ADGRG2: variants seen among roughly 807,000 people sequenced by gnomAD.
The protein encoded by ADGRG2 is G protein-coupled receptor 64.
In ADGRG2, 26 loss-of-function variants were observed where a neutral mutation model predicts 74.1. The ratio of observed to expected loss-of-function variants is 0.35; its 90% CI spans 0.26 to 0.49. The LOEUF is 0.49. ADGRG2 is among the 20% of genes least tolerant of loss of function. The probability of loss-of-function intolerance (pLI) is 0.99; values close to 1 mark genes in which losing one functional copy is unlikely to be tolerated. For synonymous variants in ADGRG2, 296 were observed against 295.2 expected (o/e 1.00, Z -0.03); for missense variants, 619 against 763.1 (o/e 0.81, Z 2.22).
chrX:19,116,277 G>A (rs1222698683), intron 1 of ADGRG2, among the ~76,000 whole-genome samples: 3 of 109,551 alleles, frequency 2.7e-5, no homozygotes, highest in Admixed American at 9.8e-5. Flanking sequence ...ATAGGAGGCC[G>A]AGGTGGGTGG....
intron 13 of ADGRG2, 26 bp from the exon 14 acceptor site, chrX:19,021,224 G>T: frequency 2.6e-6 from 2 of 764,123 alleles, no homozygotes; most frequent in African/African-American, 2.0e-5. Flanking sequence ...TACATAACCA[G>T]AATGTTACTA....
intron 1 of ADGRG2, among the ~76,000 whole-genome samples, chrX:19,097,580 A>G (rs1457075729): frequency 1.8e-5 from 2 of 112,404 alleles, no homozygotes; most frequent in Non-Finnish European, 3.8e-5. Context: ...CCTTTGTTAC[A>G]GGAATCCGGG....
At chrX:19,107,889 A>G (rs1052821794) in intron 1 of ADGRG2, among the ~76,000 whole-genome samples, 11 of 107,476 alleles carry the variant, frequency 1.0e-4, no homozygotes, top group African/African-American at 3.4e-4. Context: ...TCACAAAGTC[A>G]GGAGATCGAG....
At chrX:19,018,986 G>C (rs1007762734) in intron 15 of ADGRG2, among the ~76,000 whole-genome samples, 1 of 111,240 alleles carries the variant, frequency 9.0e-6, no homozygotes, top group African/African-American at 3.3e-5. Context: ...GGGACTACAG[G>C]CGCCCGCCAC....
chrX:19,082,812 CATA>C (rs2061874178), intron 1 of ADGRG2, 66 bp from the exon 2 acceptor site: 1 of 112,429 alleles, frequency 8.9e-6, no homozygotes, highest in African/African-American at 3.2e-5. Context: ...TTCTTGACAG[CATA>C]ATACTTCAAT....
chrX:19,078,776 T>TA lies in ADGRG2; in HGVS notation c.-2+3925dup, dbSNP rs1291416651. On this transcript the variant is annotated intron_variant, in intron 2 of 28. Transcript: ENST00000379869. Reference sequence around the variant, plus strand: ...ACCCAAAGAAGAAGAAGGAAGGTAATAAAAAAAAAAGCATATAATAAAAAC... The same window carrying TA: ...ACCCAAAGAAGAAGAAGGAAGGTAATAAAAAAAAAAAGCATATAATAAAAAC... Among the ~76,000 whole-genome samples the TA allele has an allele frequency of 1.2e-3, 104 of 83,497 alleles. No homozygotes were observed. The East Asian group carries it at 0.018, about 15-fold the overall frequency. 72.5% of individuals were successfully genotyped at this position (83,497 alleles called of 115,157 possible).
rs2059905791 is a variant in ADGRG2 at position 18,990,642 on chromosome X, T to A, written c.*222A>T. 3.5e-6 allele frequency: 1 copy of A among 283,425 alleles called. No individual in the cohort carries two copies. The highest frequency in any genetic ancestry group is 6.2e-6 in the Non-Finnish European group (1 of 161,681). 23.4% of individuals were successfully genotyped at this position (283,425 alleles called of 1,213,427 possible). A position where few individuals can be genotyped will look rare whatever the true frequency, so the allele number is the denominator to read the frequency against. On this transcript the variant is annotated 3_prime_UTR_variant, in exon 29 of 29. Transcript: ENST00000379869. ...GTATTGTTTAAAACCAACCTTCTTATAAAATGAAAGATAAGAAACCAAATC... is the reference window on the plus strand; with the variant it reads ...GTATTGTTTAAAACCAACCTTCTTAAAAAATGAAAGATAAGAAACCAAATC...
rs185222981 is a variant in ADGRG2, at chrX:19,059,516, G to A, written c.118+9201C>T. Among the ~76,000 whole-genome samples, 378 of 111,347 alleles carry A rather than the reference G, an allele frequency of 3.4e-3. 2 individuals carry two copies. Among genetic ancestry groups the A allele is most frequent in the South Asian group, 6.5e-3 (17 of 2,600 alleles). On this transcript the variant is annotated intron_variant, in intron 3 of 28. Coordinates refer to ENST00000379869, the MANE Select transcript of ADGRG2 (RefSeq NM_001079858.3). The stretch of plus-strand genomic sequence containing the variant: ...TGTATGCGAAGGTGCTTCGTCAACC[G>A]CAAAGACCTACAGGAGTGTCCAGTT...
chrX:19,095,782 G>A (rs1213648533), intron 1 of ADGRG2, among the ~76,000 whole-genome samples: 1 of 111,649 alleles, frequency 9.0e-6, no homozygotes, highest in Non-Finnish European at 1.9e-5. Context: ...GGGAGGCCAA[G>A]GTGGGAGGAT....
intron 1 of ADGRG2, among the ~76,000 whole-genome samples, chrX:19,095,174 T>C (rs781622423): frequency 8.9e-6 from 1 of 112,068 alleles, no homozygotes; most frequent in Admixed American, 9.5e-5. Context: ...GCAGCATTTT[T>C]TGAGTGATTT....
intron 11 of ADGRG2, among the ~76,000 whole-genome samples, chrX:19,025,386 T>C (rs961648825): frequency 9.0e-6 from 1 of 111,209 alleles, no homozygotes; most frequent in Admixed American, 9.6e-5. Context: ...CAGGTGATTT[T>C]AATATGCAAC....
At chrX:19,115,175 G>C in intron 1 of ADGRG2, among the ~76,000 whole-genome samples, 1 of 111,128 alleles carries the variant, frequency 9.0e-6, no homozygotes, top group South Asian at 3.8e-4. Context: ...GAAAGGCAGG[G>C]CACATTATAC....
At chrX:19,005,837 G>A (rs1303838970) in intron 22 of ADGRG2, among the ~76,000 whole-genome samples, 165 bp downstream of exon 22, 1 of 112,068 alleles carries the variant, frequency 8.9e-6, no homozygotes, top group African/African-American at 3.2e-5. Flanking sequence ...ACAGGCGTGA[G>A]CCACCATGCC....
chrX:19,060,001 G>A lies in ADGRG2; in HGVS notation c.118+8716C>T, dbSNP rs60511800. ...TCAAAAATTAGCCAGGCGTGGTGCCGCGAGCCTGTAATCCCAGCTACTCGG... is the reference window on the plus strand; with the variant it reads ...TCAAAAATTAGCCAGGCGTGGTGCCACGAGCCTGTAATCCCAGCTACTCGG... On this transcript the variant is annotated intron_variant, in intron 3 of 28. Coordinates refer to ENST00000379869, the MANE Select transcript of ADGRG2 (RefSeq NM_001079858.3). Among the ~76,000 whole-genome samples the A allele has an allele frequency of 5.7e-3, 638 of 111,450 alleles. 2 individuals carry two copies. The highest frequency in any genetic ancestry group is 0.019 in the African/African-American group (597 of 30,711).
At position 19,004,683 on chromosome X, in the gene ADGRG2, G is replaced by A. The variant is rs983465135; in HGVS notation, c.1961+75C>T. Reference sequence around the variant, plus strand: ...ACAGGGTAAGGCAGGCCGAGGAAAGGGCTTAGTTAATAAATGTTGGCAATG... The same window carrying A: ...ACAGGGTAAGGCAGGCCGAGGAAAGAGCTTAGTTAATAAATGTTGGCAATG... On this transcript the variant is annotated intron_variant, in intron 23 of 28. Transcript: ENST00000379869. 5 of 1,045,872 alleles carry A rather than the reference G, an allele frequency of 4.8e-6. No individual in the cohort carries two copies. In the Admixed American group the frequency reaches 1.2e-4, roughly 24 times the overall value. The allele number at this position is 1,045,872 out of a possible 1,213,427, so 86.2% of individuals were successfully genotyped here.
rs183872234 is a variant in ADGRG2 at position 19,047,009 on chromosome X, A to T, written c.119-6785T>A. Among the ~76,000 whole-genome samples the T allele has an allele frequency of 3.3e-3, 375 of 112,093 alleles. 3 individuals carry two copies. The highest frequency in any genetic ancestry group is 0.012 in the African/African-American group (361 of 30,886). On this transcript the variant is annotated intron_variant, in intron 3 of 28. Transcript: ENST00000379869. The stretch of plus-strand genomic sequence containing the variant: ...AGAGTAAGGGAAGGATGGGGAATGG[A>T]TCTGAAAGTAACAAGGCAAAATGAC...
chrX:18,992,477 G>C (rs182805158), intron 28 of ADGRG2, among the ~76,000 whole-genome samples: 1 of 111,676 alleles, frequency 9.0e-6, no homozygotes, highest in African/African-American at 3.2e-5. Context: ...TTTTATTAGA[G>C]ATGGAGTTTT....
At chrX:19,020,075 A>G (rs1479287481) in intron 14 of ADGRG2, among the ~76,000 whole-genome samples, 1 of 111,724 alleles carries the variant, frequency 9.0e-6, no homozygotes, top group Non-Finnish European at 1.9e-5. Flanking sequence ...ACTGGGGGTC[A>G]GAGGCAGAGG....
At chrX:19,085,655 T>C (rs965858880) in intron 1 of ADGRG2, among the ~76,000 whole-genome samples, 1 of 111,103 alleles carries the variant, frequency 9.0e-6, no homozygotes, top group Non-Finnish European at 1.9e-5. Flanking sequence ...GTGACAAGGG[T>C]GGATGCATAC....
Sources: gnomAD v4.1 joint callset for allele counts (sites outside exome capture counted in the v4.1 genomes callset) on GRCh38, gnomAD v4.1.1 for gene constraint, MANE v1.5 for transcripts, NCBI Gene and HGNC (gene_info 2026-07-23, HGNC 2026-07-21) for gene names.